PEAK1: variants seen among roughly 807,000 people sequenced by gnomAD.
The protein encoded by PEAK1 is pseudopodium enriched atypical kinase 1.
Under a neutral mutation model 124.7 loss-of-function variants are expected in PEAK1, and 54 were observed. That is an observed-to-expected ratio of 0.43 (90% CI 0.35 to 0.54). The LOEUF (loss-of-function observed/expected upper bound fraction) is 0.54, where lower values mean the gene tolerates loss of function less well. PEAK1 is among the 20% of genes least tolerant of loss of function. The pLI is 0.01. For missense variants in PEAK1, 2,046 were observed against 2,134.5 expected (o/e 0.96, Z 0.82); for synonymous variants, 719 against 760.0 (o/e 0.95, Z 0.89).
chr15:77,226,074 T>TATATATATATA (rs2059656369), intron 6 of PEAK1, among the ~76,000 whole-genome samples: 2 of 137,330 alleles, frequency 1.5e-5, no homozygotes, highest in African/African-American at 2.7e-5. Context: ...TATATATATA[T>TATATATATATA]ATATATATAT....
At chr15:77,144,684 CAT>C (rs1425628715) in intron 8 of PEAK1, among the ~76,000 whole-genome samples, 5 of 152,218 alleles carry the variant, frequency 3.3e-5, no homozygotes, top group African/African-American at 1.2e-4. Context: ...GAGATTTCCA[CAT>C]GAGAATCAGA....
intron 6 of PEAK1, among the ~76,000 whole-genome samples, chr15:77,226,779 C>T (rs2059696358): frequency 6.6e-6 from 1 of 152,078 alleles, no homozygotes; most frequent in South Asian, 2.1e-4. Context: ...TAACATATGC[C>T]AGGCACTTTT....
At chr15:77,420,501 GGGCCC>G (rs1382766165), upstream of PEAK1, 16 of 182,244 alleles carry the variant, frequency 8.8e-5, no homozygotes, top group African/African-American at 3.3e-4. Context: ...AGGGGAGTCT[GGGCCC>G]ATTTGGGCGT....
At chr15:77,169,531 A>G (rs1402805517) in intron 7 of PEAK1, among the ~76,000 whole-genome samples, 1 of 152,218 alleles carries the variant, frequency 6.6e-6, no homozygotes, top group African/African-American at 2.4e-5. Flanking sequence ...TGAAAGAACC[A>G]CTAAAAATGG....
intron 6 of PEAK1, among the ~76,000 whole-genome samples, chr15:77,245,174 T>C (rs1337429619): frequency 1.3e-5 from 2 of 152,150 alleles, no homozygotes; most frequent in African/African-American, 2.4e-5. Flanking sequence ...ATCTTTCGTA[T>C]GTTTTTGTTT....
At chr15:77,248,694 C>T (rs971649435) in intron 6 of PEAK1, among the ~76,000 whole-genome samples, 1 of 152,176 alleles carries the variant, frequency 6.6e-6, no homozygotes, top group Non-Finnish European at 1.5e-5. Context: ...AAATAAATTT[C>T]TGTTGTTTTC....
chr15:77,182,626 C>T (rs994359086), intron 6 of PEAK1, among the ~76,000 whole-genome samples: 18 of 151,640 alleles, frequency 1.2e-4, no homozygotes, highest in Admixed American at 1.1e-3. Context: ...GTAGCACACA[C>T]CTATAGTTCC....
chr15:77,323,841 A>G (rs2065398641), intron 2 of PEAK1, among the ~76,000 whole-genome samples: 2 of 152,174 alleles, frequency 1.3e-5, no homozygotes, highest in African/African-American at 2.4e-5. Flanking sequence ...TCCTAAGCCA[A>G]AAGAACAAAG....
intron 6 of PEAK1, among the ~76,000 whole-genome samples, chr15:77,232,927 A>C (rs922170061): frequency 6.6e-6 from 1 of 151,988 alleles, no homozygotes; most frequent in African/African-American, 2.4e-5. Flanking sequence ...TTGTATTTTT[A>C]GTACAGACGG....
intron 9 of PEAK1, among the ~76,000 whole-genome samples, chr15:77,130,976 T>C (rs1294771019): frequency 6.6e-6 from 1 of 152,198 alleles, no homozygotes; most frequent in Non-Finnish European, 1.5e-5. Context: ...AGAACCAGGA[T>C]CTGAACCCAA....
chr15:77,117,886 A>T (rs2051538662), intron 9 of PEAK1, among the ~76,000 whole-genome samples: 1 of 152,248 alleles, frequency 6.6e-6, no homozygotes, highest in African/African-American at 2.4e-5. Flanking sequence ...ATATCTAGAC[A>T]TTCACACAGA....
chr15:77,235,968 G>A (rs145645380), intron 6 of PEAK1, among the ~76,000 whole-genome samples: 6 of 152,236 alleles, frequency 3.9e-5, no homozygotes, highest in African/African-American at 1.2e-4. Flanking sequence ...CAGAAGTCAA[G>A]AAATGAGGTT....
intron 6 of PEAK1, among the ~76,000 whole-genome samples, chr15:77,247,546 T>C (rs1370668347): frequency 2.4e-5 from 3 of 124,914 alleles, no homozygotes; most frequent in Non-Finnish European, 4.8e-5. Flanking sequence ...TGGAGTGCAA[T>C]GGCACAACCT....
Position 77,114,766 on chromosome 15 carries a change from G to T in PEAK1, c.4631C>A (p.Thr1544Asn). ...TATAAGCCTAGTGGGATAAGATGAG[G>T]TGGGGCTGGGCTCTGCAGGCCCAAA... ...QGFGPAEPSP[T>N]SSYPTRLIVS... Residue 1544 changes from threonine (T) to asparagine (N), a missense_variant, in exon 10 of 10, where the codon ACC becomes AAC. Thr to Asn is a moderately conservative substitution (Grantham distance 65, BLOSUM62 0). Coordinates refer to ENST00000682557, the MANE Select transcript of PEAK1 (RefSeq NM_001385026.1). The T allele has an allele frequency of 6.2e-7, 1 of 1,613,228 alleles. No individual in the cohort carries two copies. The highest frequency in any genetic ancestry group is 1.1e-5 in the South Asian group (1 of 91,058).
At chr15:77,210,061 T>C (rs538436306) in intron 6 of PEAK1, among the ~76,000 whole-genome samples, 1 of 152,250 alleles carries the variant, frequency 6.6e-6, no homozygotes, top group East Asian at 1.9e-4. Flanking sequence ...ATCTATCAAA[T>C]AAGAATTAAC....
At chr15:77,119,150 C>G (rs1407768172) in intron 9 of PEAK1, among the ~76,000 whole-genome samples, 25 of 128,230 alleles carry the variant, frequency 1.9e-4, no homozygotes, top group African/African-American at 5.8e-4. Context: ...GCCAAGGGAA[C>G]TCCTCGTGTG....
chr15:77,332,681 A>T (rs2065963930), intron 2 of PEAK1, among the ~76,000 whole-genome samples: 1 of 151,994 alleles, frequency 6.6e-6, no homozygotes, highest in Admixed American at 6.6e-5. Context: ...GTTTCCAAGC[A>T]CCCTGTCCCA....
At chr15:77,420,865 G>T (rs1014775017), upstream of PEAK1, 1 of 398,694 alleles carries the variant, frequency 2.5e-6, no homozygotes, top group Non-Finnish European at 4.4e-6. Flanking sequence ...CCAAAATAAA[G>T]TGCTGCGGAA....
chr15:77,113,192 G>A lies in PEAK1; in HGVS notation c.*964C>T, dbSNP rs895434902. The A allele has an allele frequency of 6.6e-6, 1 of 152,298 alleles. No individual in the cohort carries two copies. The highest frequency in any genetic ancestry group is 1.9e-4 in the East Asian group (1 of 5,208). The allele number at this position is 152,298 out of a possible 1,614,324, so 9.4% of individuals were successfully genotyped here. The stretch of plus-strand genomic sequence containing the variant: ...GGTAAACTAGTTAACACTGGCTACT[G>A]ATAGAAGGGAGCTGGCCAATTACTG... On this transcript the variant is annotated 3_prime_UTR_variant, in exon 10 of 10. Transcript: ENST00000682557.
Sources: allele counts gnomAD v4.1 joint callset (sites outside exome capture counted in the v4.1 genomes callset), GRCh38; gene constraint gnomAD v4.1.1; transcripts MANE v1.5; gene names NCBI Gene and HGNC (gene_info 2026-07-23, HGNC 2026-07-21).